The following ZNF331 variants were observed in gnomAD, a reference collection of about 807,000 sequenced individuals.
ZNF331 encodes zinc finger protein 331.
ZNF331 carries 2 observed loss-of-function variants against 7.0 expected under a neutral mutation model. The observed-to-expected ratio is 0.29, with a 90% confidence interval of 0.12 to 0.90. The LOEUF is 0.90. ZNF331 is among the 40% of genes least tolerant of loss of function. ZNF331 has a pLI of 0.58. For synonymous variants in ZNF331, 196 were observed against 205.4 expected, an observed-to-expected ratio of 0.95 and a Z score of 0.39; for missense variants, 432 against 587.7, an observed-to-expected ratio of 0.74 and a Z score of 2.74.
the ZNF331 span, among the ~76,000 whole-genome samples, chr19:53,506,302 T>C: frequency 2.2e-5 from 2 of 92,032 alleles, no homozygotes; most frequent in African/African-American, 4.9e-5. Context: ...GCCACCGCAC[T>C]CCAGCCTGGG....
At chr19:53,528,276 A>G (rs948464348) in intron 2 of ZNF331, among the ~76,000 whole-genome samples, 2 of 152,198 alleles carry the variant, frequency 1.3e-5, no homozygotes, top group African/African-American at 2.4e-5. Flanking sequence ...TCAGGCTTGG[A>G]AAGTTATTTT....
At chr19:53,565,840 A>G (rs1306610926) in intron 3 of ZNF331, among the ~76,000 whole-genome samples, 1 of 152,006 alleles carries the variant, frequency 6.6e-6, no homozygotes, top group Non-Finnish European at 1.5e-5. Flanking sequence ...TAGACTTTTT[A>G]AGAAAAAAAA....
chr19:53,506,960 T>A, the ZNF331 span, among the ~76,000 whole-genome samples: 211 of 152,252 alleles, frequency 1.4e-3, no homozygotes, highest in African/African-American at 4.8e-3. Context: ...GCAGATGATG[T>A]TGTGTGTCTC....
chr19:53,568,567 C>A (rs2090277684), intron 3 of ZNF331, among the ~76,000 whole-genome samples: 1 of 152,070 alleles, frequency 6.6e-6, no homozygotes, highest in Admixed American at 6.6e-5. Flanking sequence ...CATAGCAAGC[C>A]CCCATCAGAA....
At chr19:53,548,097 T>TTTTTC (rs752561236) in intron 2 of ZNF331, among the ~76,000 whole-genome samples, 23 of 151,908 alleles carry the variant, frequency 1.5e-4, no homozygotes, top group East Asian at 5.8e-4. Flanking sequence ...GCCCGGCTAA[T>TTTTTC]TTTTCTTTTC....
At position 53,560,392 on chromosome 19, in the gene ZNF331, C is replaced by G. The variant is rs1335480806; in HGVS notation, c.-74+4484C>G. On this transcript the variant is annotated intron_variant, in intron 3 of 5. Coordinates refer to ENST00000449416, the MANE Select transcript of ZNF331 (RefSeq NM_001079906.2). This position sits in a 1 kb window ranked among gnomAD's most constrained non-coding sequence, Gnocchi z 4.3. ...ACCCACAGATAGACACACATATACA[C>G]AAACATACACACAATTATATCACAA... is the stretch of plus-strand genomic sequence containing the variant. Among the ~76,000 whole-genome samples, 1 of 152,014 alleles carries G rather than the reference C, an allele frequency of 6.6e-6. No homozygotes were observed. Among genetic ancestry groups the G allele is most frequent in the African/African-American group, 2.4e-5 (1 of 41,356 alleles).
rs1318566399 is a variant in ZNF331, at chr19:53,560,580, T to G, written c.-74+4672T>G. On this transcript the variant is annotated intron_variant, in intron 3 of 5. Coordinates refer to ENST00000449416, the MANE Select transcript of ZNF331 (RefSeq NM_001079906.2). This position sits in a 1 kb window ranked among gnomAD's most constrained non-coding sequence, Gnocchi z 4.3. ...ATTGGCGTCATACAACACAAATGTATTATCTTACTGTCATAGAGGTCAGAA... is the reference window on the plus strand; with the variant it reads ...ATTGGCGTCATACAACACAAATGTAGTATCTTACTGTCATAGAGGTCAGAA... Among the ~76,000 whole-genome samples, 1 of 152,178 alleles carries G rather than the reference T, an allele frequency of 6.6e-6. No homozygotes were observed. The highest frequency in any genetic ancestry group is 1.5e-5 in the Non-Finnish European group (1 of 68,032).
intron 2 of ZNF331, among the ~76,000 whole-genome samples, chr19:53,543,029 G>A (rs961232748): frequency 2.4e-4 from 37 of 151,982 alleles, no homozygotes; most frequent in African/African-American, 8.9e-4. Context: ...GGCTGGTCTT[G>A]AACTCCCGAC....
chr19:53,519,836 G>A (rs1340018970), upstream of ZNF331, among the ~76,000 whole-genome samples: 1 of 152,112 alleles, frequency 6.6e-6, no homozygotes, highest in Non-Finnish European at 1.5e-5. Flanking sequence ...CAATCTACTG[G>A]GGGGTGGGGG....
At chr19:53,545,225 G>A (rs1568484764) in intron 2 of ZNF331, among the ~76,000 whole-genome samples, 1 of 152,010 alleles carries the variant, frequency 6.6e-6, no homozygotes, top group Non-Finnish European at 1.5e-5. Flanking sequence ...CTTTCTAACT[G>A]TTTCCTCCTC....
chr19:53,559,100 A>T (rs2089636703), intron 3 of ZNF331, among the ~76,000 whole-genome samples: 1 of 142,878 alleles, frequency 7.0e-6, no homozygotes, highest in South Asian at 2.2e-4. Flanking sequence ...ACATATAGAG[A>T]CACATATATA....
chr19:53,568,054 G>T (rs886815501), intron 3 of ZNF331, among the ~76,000 whole-genome samples: 14 of 152,010 alleles, frequency 9.2e-5, no homozygotes, highest in African/African-American at 1.7e-4. Flanking sequence ...TTTGAGACCA[G>T]CCTGGCCAAC....
chr19:53,549,678 G>C (rs1600328711), intron 2 of ZNF331, among the ~76,000 whole-genome samples: 1 of 145,382 alleles, frequency 6.9e-6, no homozygotes, highest in African/African-American at 2.6e-5. Flanking sequence ...TATGGGAACA[G>C]TGGGGACTCT....
chr19:53,544,368 A>G (rs1461268171), intron 2 of ZNF331, among the ~76,000 whole-genome samples: 1 of 150,470 alleles, frequency 6.6e-6, no homozygotes, highest in Non-Finnish European at 1.5e-5. Flanking sequence ...ACACGGTGAA[A>G]CCCCATCTCT....
chr19:53,522,874 A>G (rs1039636066), intron 2 of ZNF331, among the ~76,000 whole-genome samples: 1 of 152,196 alleles, frequency 6.6e-6, no homozygotes, highest in Non-Finnish European at 1.5e-5. Flanking sequence ...ATGTCTAAAA[A>G]TTGTCTAAGA....
At position 53,576,491 on chromosome 19, in the gene ZNF331, G is replaced by A. The variant is rs140221269; in HGVS notation, c.137-206G>A. On this transcript the variant is annotated intron_variant, in intron 5 of 5. Coordinates refer to ENST00000449416, the MANE Select transcript of ZNF331 (RefSeq NM_001079906.2). Reference sequence around the variant, plus strand: ...GACTAATTGTCGGGACCTTTTTCATGTCTGACTTTAAAATAGATGTCTCCA... The same window carrying A: ...GACTAATTGTCGGGACCTTTTTCATATCTGACTTTAAAATAGATGTCTCCA... Among the ~76,000 whole-genome samples the A allele has an allele frequency of 7.9e-4, 120 of 152,238 alleles. 1 individual carries two copies. In the South Asian group the frequency reaches 9.5e-3, roughly 12 times the overall value.
In ZNF331 at chr19:53,577,435, T is replaced by C. The variant is rs2090770943; in HGVS notation, c.875T>C (p.Ile292Thr). Residue 292 changes from isoleucine (I) to threonine (T), a missense_variant, in exon 6 of 6, where the codon ATT becomes ACT. Around this residue, in one of 3 missense-constraint regions of ZNF331, gnomAD observed 312 missense variants for 448.6 expected, o/e 0.70. Transcript: ENST00000449416. ...TCAAGCCTCATTCAGCATAAAAGAA[T>C]TCACACAGGTGAGAAACCCTATGAA... ...CGSSLIQHKR[I>T]HTGEKPYECQ... The C allele has an allele frequency of 6.2e-7, 1 of 1,614,042 alleles. No individual in the cohort carries two copies. Among genetic ancestry groups the C allele is most frequent in the Admixed American group, 1.7e-5 (1 of 60,004 alleles).
chr19:53,578,081 A>C lies in ZNF331; in HGVS notation c.*129A>C. On this transcript the variant is annotated 3_prime_UTR_variant, in exon 6 of 6. Transcript: ENST00000449416. ...AGAAATAAAGAATTTTAAGTCTCAA[A>C]TGGTGTGCCCTTCTGAGTAGCGTGA... 4 of 1,181,692 alleles carry C rather than the reference A, an allele frequency of 3.4e-6. No individual in the cohort carries two copies. Among genetic ancestry groups the C allele is most frequent in the Non-Finnish European group, 4.6e-6 (4 of 867,190 alleles). The allele number at this position is 1,181,692 out of a possible 1,614,324, so 73.2% of individuals were successfully genotyped here.
chr19:53,549,918 C>T (rs2088875593), intron 2 of ZNF331, among the ~76,000 whole-genome samples: 1 of 152,126 alleles, frequency 6.6e-6, no homozygotes, highest in Non-Finnish European at 1.5e-5. Context: ...CTCTTGCCTT[C>T]TTTAAGATTT....
Sources: allele counts gnomAD v4.1 joint callset (sites outside exome capture counted in the v4.1 genomes callset), GRCh38; gene constraint gnomAD v4.1.1; regional missense constraint gnomAD v4.1.1; non-coding constraint Gnocchi (gnomAD v3.1); transcripts MANE v1.5; gene names NCBI Gene and HGNC (gene_info 2026-07-23, HGNC 2026-07-21).